Variants in ANAPC1 observed in about 807,000 individuals in gnomAD.
ANAPC1 encodes anaphase-promoting complex subunit 1.
In ANAPC1, 36 loss-of-function variants were observed where a neutral mutation model predicts 208.0. The observed-to-expected ratio is 0.17, with a 90% CI of 0.13 to 0.23. The LOEUF (loss-of-function observed/expected upper bound fraction) is 0.23, where lower values mean the gene tolerates loss of function less well. Among genes scored for constraint, ANAPC1 ranks in the 10% least tolerant of loss-of-function variants. The probability of loss-of-function intolerance (pLI) is 1.00; values close to 1 mark genes in which losing one functional copy is unlikely to be tolerated. For synonymous variants in ANAPC1, 378 were observed against 695.2 expected (o/e 0.54, Z 7.18); for missense variants, 942 against 2,011.6 (o/e 0.47, Z 10.17).
chr2:111,775,380 G>A (rs1026833370), intron 46 of ANAPC1, among the ~76,000 whole-genome samples: 17 of 152,324 alleles, frequency 1.1e-4, no homozygotes, highest in African/African-American at 4.1e-4. Flanking sequence ...GAGTGATCCT[G>A]AAAGTCCACA....
chr2:111,851,578 G>A (rs1369674154), intron 13 of ANAPC1, among the ~76,000 whole-genome samples: 2 of 151,908 alleles, frequency 1.3e-5, no homozygotes, highest in Admixed American at 1.3e-4. Context: ...AGGCCGAGGC[G>A]GGCGGATCAC....
At chr2:111,841,423 G>GAGAC (rs1680759398) in intron 17 of ANAPC1, among the ~76,000 whole-genome samples, 1 of 125,236 alleles carries the variant, frequency 8.0e-6, no homozygotes, top group Non-Finnish European at 1.8e-5. Flanking sequence ...TAATTCTATA[G>GAGAC]AGACAGGACA....
At chr2:111,872,528 A>C in intron 6 of ANAPC1, 102 bp downstream of exon 6, 1 of 962,832 alleles carries the variant, frequency 1.0e-6, no homozygotes, top group South Asian at 1.5e-5. Context: ...TATGCTGTCA[A>C]CATGAAAATT....
chr2:111,864,872 A>G lies in ANAPC1; in HGVS notation c.765T>C (p.Ile255=). 3 of 1,611,810 alleles carry G rather than the reference A, an allele frequency of 1.9e-6. No individual in the cohort carries two copies. The highest frequency in any genetic ancestry group is 2.5e-6 in the Non-Finnish European group (3 of 1,179,798). The change falls in exon 8 of 48, where the codon ATT becomes ATC. Residue 255 remains isoleucine (I), a synonymous_variant. Coordinates refer to ENST00000341068, the MANE Select transcript of ANAPC1 (RefSeq NM_022662.4). The part of the protein sequence containing the change: ...KIVFLNTDPS[I]VMTYDAVQNV... ...TTTGAACAGCATCATAAGTCATTACAATAGAGGGGTCAGTATTGAGGAAAA... is the reference window on the plus strand; with the variant it reads ...TTTGAACAGCATCATAAGTCATTACGATAGAGGGGTCAGTATTGAGGAAAA...
rs1680592035 is a variant in ANAPC1, at chr2:111,838,471, T to C, written c.2082A>G (p.Lys694=). The change falls in exon 18 of 48, where the codon AAA becomes AAG. Residue 694 remains lysine (K), a synonymous_variant. Transcript: ENST00000341068. ...ATCCAGTCTCGGAAGGCCTTGCTTT[T>C]TTGGGCGCAATGACAGGAGAAAGTG... ...EGSLSPVIAP[K]KARPSETGSD... is the part of the protein sequence containing the mutation. The C allele has an allele frequency of 6.2e-7, 1 of 1,607,960 alleles. No homozygotes were observed. The highest frequency in any genetic ancestry group is 1.1e-5 in the South Asian group (1 of 89,896).
chr2:111,870,506 G>C (rs1305066445), intron 6 of ANAPC1, among the ~76,000 whole-genome samples: 1 of 152,104 alleles, frequency 6.6e-6, no homozygotes, highest in African/African-American at 2.4e-5. Context: ...GGCCATTTGT[G>C]TATCTTCTTT....
At chr2:111,875,714 G>T (rs1682989708) in intron 3 of ANAPC1, among the ~76,000 whole-genome samples, 2 of 152,150 alleles carry the variant, frequency 1.3e-5, no homozygotes, top group Admixed American at 6.5e-5. Flanking sequence ...CAAATTCCTT[G>T]GTTTATATAC....
In ANAPC1 at chr2:111,768,468, G is replaced by C. The variant is rs551648605; in HGVS notation, c.*823C>G. 9 of 151,314 alleles carry C rather than the reference G, an allele frequency of 5.9e-5. No individual in the cohort carries two copies. The highest frequency in any genetic ancestry group is 2.0e-4 in the African/African-American group (8 of 40,574). 9.4% of individuals were successfully genotyped at this position (151,314 alleles called of 1,614,324 possible). On this transcript the variant is annotated 3_prime_UTR_variant, in exon 48 of 48. Coordinates refer to ENST00000341068, the MANE Select transcript of ANAPC1 (RefSeq NM_022662.4). The stretch of plus-strand genomic sequence containing the variant: ...TATTTTCTTGCAATTCTGGAGGCTG[G>C]AGGTCCACGATGAAGGTGCTAGCCA...
At chr2:111,841,997 A>G (rs1680790355) in intron 17 of ANAPC1, among the ~76,000 whole-genome samples, 1 of 152,222 alleles carries the variant, frequency 6.6e-6, no homozygotes, top group Non-Finnish European at 1.5e-5. Context: ...CTTTCCAAAC[A>G]TTACTTGACC....
In ANAPC1 at chr2:111,884,173, G is replaced by C. The variant is rs1282957125; in HGVS notation, c.-256C>G. The C allele has an allele frequency of 1.3e-5, 2 of 152,330 alleles. No homozygotes were observed. The highest frequency in any genetic ancestry group is 4.8e-5 in the African/African-American group (2 of 41,480). 9.4% of individuals were successfully genotyped at this position (152,330 alleles called of 1,614,324 possible). ...ACGTTCAAATGGACGCGTCCATCTT[G>C]ACTTTCCCGTCTTGCCTCGCGCCGG... On this transcript the variant is annotated 5_prime_UTR_variant, in exon 1 of 48. Coordinates refer to ENST00000341068, the MANE Select transcript of ANAPC1 (RefSeq NM_022662.4).
rs533574581 is a variant in ANAPC1, at chr2:111,824,287, TTTAGA to T, written c.2812+674_2812+678del. Among the ~76,000 whole-genome samples, 199 of 148,114 alleles carry T rather than the reference TTTAGA, an allele frequency of 1.3e-3. 1 individual carries two copies. Among genetic ancestry groups the T allele is most frequent in the Non-Finnish European group, 2.2e-3 (147 of 67,022 alleles). On this transcript the variant is annotated intron_variant, in intron 24 of 47. Coordinates refer to ENST00000341068, the MANE Select transcript of ANAPC1 (RefSeq NM_022662.4). ...GTCAGAAACTTCATTTAGAACATACTTTAGATAAGACTTCAAAAACATCTTTTAAT... is the reference window on the plus strand; with the variant it reads ...GTCAGAAACTTCATTTAGAACATACTTAAGACTTCAAAAACATCTTTTAAT...
intron 1 of ANAPC1, among the ~76,000 whole-genome samples, chr2:111,882,458 G>A (rs1683352928): frequency 1.3e-5 from 2 of 152,152 alleles, no homozygotes; most frequent in South Asian, 2.1e-4. Context: ...GGCCAGGCAC[G>A]ATGGCTCACG....
chr2:111,873,229 A>G (rs923281976), intron 5 of ANAPC1, 79 bp downstream of exon 5: 56 of 1,335,936 alleles, frequency 4.2e-5, no homozygotes, highest in Non-Finnish European at 5.5e-5. Context: ...AACATGAGAC[A>G]TAAGACATGC....
intron 34 of ANAPC1, among the ~76,000 whole-genome samples, chr2:111,800,290 T>C (rs1024963219): frequency 7.0e-6 from 1 of 143,492 alleles, no homozygotes; most frequent in South Asian, 2.3e-4. Context: ...CCACTAGACA[T>C]GGACAGTTGT....
intron 37 of ANAPC1, among the ~76,000 whole-genome samples, chr2:111,793,245 GT>G (rs201448538): frequency 6.6e-6 from 1 of 151,788 alleles, no homozygotes; most frequent in African/African-American, 2.4e-5. Flanking sequence ...TGTTGTTGTT[GT>G]TTTTTTTGGA....
chr2:111,831,758 T>C (rs1680145781), intron 20 of ANAPC1, among the ~76,000 whole-genome samples: 1 of 145,100 alleles, frequency 6.9e-6, no homozygotes, highest in African/African-American at 2.6e-5. Context: ...GAAGAATCAC[T>C]TGAACCCAGG....
intron 13 of ANAPC1, among the ~76,000 whole-genome samples, chr2:111,855,920 G>A (rs781480441): frequency 3.3e-5 from 5 of 151,972 alleles, no homozygotes; most frequent in Non-Finnish European, 2.9e-5. Context: ...TATTCTCTAC[G>A]TACATTTCAC....
chr2:111,846,807 C>T (rs1410137190), intron 16 of ANAPC1, among the ~76,000 whole-genome samples: 2 of 151,734 alleles, frequency 1.3e-5, no homozygotes, highest in Non-Finnish European at 2.9e-5. Context: ...CGACCTCAAG[C>T]GATCCACCCG....
chr2:111,882,664 G>A (rs544272353), intron 1 of ANAPC1, among the ~76,000 whole-genome samples: 1 of 150,950 alleles, frequency 6.6e-6, no homozygotes, highest in South Asian at 2.1e-4. Flanking sequence ...TTCAACCTGG[G>A]AGGCAGAGGT....
Sources: gnomAD v4.1 joint callset for allele counts (sites outside exome capture counted in the v4.1 genomes callset) on GRCh38, gnomAD v4.1.1 for gene constraint, MANE v1.5 for transcripts, NCBI Gene and HGNC (gene_info 2026-07-23, HGNC 2026-07-21) for gene names.